The following FAM200B variants were observed in gnomAD, a reference collection of about 807,000 sequenced individuals.
The protein encoded by FAM200B is protein FAM200B.
Under a neutral mutation model 33.1 loss-of-function variants are expected in FAM200B, and 32 were observed. The ratio of observed to expected loss-of-function variants is 0.97; its 90% CI spans 0.73 to 1.30. The LOEUF (loss-of-function observed/expected upper bound fraction) is 1.30. Among genes scored for constraint, FAM200B ranks in the 50% most tolerant of loss-of-function variants. The pLI is 0.00. For missense variants in FAM200B, 741 were observed against 754.0 expected (o/e 0.98, Z 0.20); for synonymous variants, 240 against 264.8 (o/e 0.91, Z 0.91).
At chr4:15,676,964 T>G (rs1033142277), upstream of FAM200B, among the ~76,000 whole-genome samples, 2 of 152,192 alleles carry the variant, frequency 1.3e-5, no homozygotes, top group Admixed American at 6.5e-5. Flanking sequence ...TAACAAATGA[T>G]ATGTTCTATA....
At chr4:15,640,765 C>A in the FAM200B span, 1 of 1,311,108 alleles carries the variant, frequency 7.6e-7, no homozygotes, top group Non-Finnish European at 1.1e-6. Flanking sequence ...AAATCTAAAT[C>A]ACGAAAGAAA....
Position 15,687,192 on chromosome 4 carries a change from T to A in FAM200B, c.215T>A (p.Phe72Tyr), listed in dbSNP as rs1394824159. The A allele has an allele frequency of 6.5e-7, 1 of 1,538,540 alleles. No homozygotes were observed. Among genetic ancestry groups the A allele is most frequent in the Admixed American group, 2.0e-5 (1 of 48,904 alleles). Reference protein sequence around the residue: ...RYNEDYLKYGFIKCEKPFEND... With the variant: ...RYNEDYLKYGYIKCEKPFEND... The stretch of plus-strand genomic sequence containing the variant: ...AATGAAGATTACTTAAAATATGGCT[T>A]TATCAAATGTGAAAAACCCTTTGAA... The change falls in exon 2 of 2, where the codon TTT becomes TAT. Residue 72 changes from phenylalanine to tyrosine, a missense_variant. By Grantham distance (22) the Phe-to-Tyr change is conservative (BLOSUM62 3). Transcript: ENST00000422728.
At chr4:15,637,322 G>A in the FAM200B span, among the ~76,000 whole-genome samples, 1 of 152,120 alleles carries the variant, frequency 6.6e-6, no homozygotes, top group Non-Finnish European at 1.5e-5. Context: ...ATTGCAGGAA[G>A]TACTTATGGA....
At chr4:15,663,305 T>A in the FAM200B span, among the ~76,000 whole-genome samples, 1 of 152,212 alleles carries the variant, frequency 6.6e-6, no homozygotes, top group African/African-American at 2.4e-5. Context: ...CAATAAATGA[T>A]AGGTATCTTT....
chr4:15,638,455 G>GTTA, the FAM200B span: 1 of 1,326,864 alleles, frequency 7.5e-7, no homozygotes. Flanking sequence ...ATATCAGTAA[G>GTTA]ATGTCAATGA....
chr4:15,681,287 T>C (rs979058750), upstream of FAM200B: 3 of 153,658 alleles, frequency 2.0e-5, no homozygotes, highest in African/African-American at 7.2e-5. Flanking sequence ...CACCTTGGAG[T>C]GTATGAACCA....
chr4:15,646,461 G>GGA, the FAM200B span, among the ~76,000 whole-genome samples: 6 of 133,004 alleles, frequency 4.5e-5, no homozygotes, highest in Admixed American at 2.3e-4. Flanking sequence ...TCATTTTTTG[G>GGA]AAAAAAAAAA....
chr4:15,650,508 A>G, the FAM200B span, among the ~76,000 whole-genome samples: 4 of 152,306 alleles, frequency 2.6e-5, no homozygotes, highest in East Asian at 7.7e-4. Flanking sequence ...ACTCTTCTAC[A>G]GTAAAATATA....
At chr4:15,652,012 G>A in the FAM200B span, among the ~76,000 whole-genome samples, 3 of 152,276 alleles carry the variant, frequency 2.0e-5, no homozygotes, top group Non-Finnish European at 4.4e-5. Context: ...ATACTGGACT[G>A]TAAACTTTTT....
chr4:15,679,613 T>C (rs1718132024), upstream of FAM200B, among the ~76,000 whole-genome samples: 1 of 151,332 alleles, frequency 6.6e-6, no homozygotes, highest in Admixed American at 6.6e-5. Flanking sequence ...ATGGTCCCAA[T>C]TCAATACTGC....
chr4:15,656,184 C>T, the FAM200B span: 1 of 456,220 alleles, frequency 2.2e-6, no homozygotes. Flanking sequence ...GGTACAAATC[C>T]CGCCATTTTA....
the FAM200B span, chr4:15,640,724 C>G: frequency 1.1e-5 from 10 of 898,472 alleles, no homozygotes; most frequent in Non-Finnish European, 1.7e-5. Context: ...TGAAGAGTCT[C>G]TAAAGCAAAA....
At chr4:15,641,566 T>G in the FAM200B span, 1 of 455,774 alleles carries the variant, frequency 2.2e-6, no homozygotes, top group African/African-American at 1.9e-5. Flanking sequence ...ATATAATACA[T>G]GAAATAATTG....
upstream of FAM200B, among the ~76,000 whole-genome samples, chr4:15,678,758 A>T (rs1384876798): frequency 6.6e-6 from 1 of 152,214 alleles, no homozygotes; most frequent in Admixed American, 6.5e-5. Flanking sequence ...AGCCTACAGA[A>T]AAATATTTAT....
the FAM200B span, among the ~76,000 whole-genome samples, chr4:15,645,785 A>G: frequency 9.8e-5 from 15 of 152,320 alleles, no homozygotes; most frequent in South Asian, 3.1e-3. Flanking sequence ...AAACATCTGT[A>G]TTTCACATGG....
chr4:15,670,779 T>C, the FAM200B span, among the ~76,000 whole-genome samples: 2 of 152,146 alleles, frequency 1.3e-5, no homozygotes, highest in Non-Finnish European at 2.9e-5. Flanking sequence ...TTCTGGTCCC[T>C]AGTGTATTTC....
chr4:15,641,095 TATC>T, the FAM200B span, among the ~76,000 whole-genome samples: 1 of 152,112 alleles, frequency 6.6e-6, no homozygotes, highest in Non-Finnish European at 1.5e-5. Context: ...ATTTTTAAAA[TATC>T]ATAAAAAGTC....
chr4:15,652,020 T>G, the FAM200B span, among the ~76,000 whole-genome samples: 1 of 152,182 alleles, frequency 6.6e-6, no homozygotes, highest in South Asian at 2.1e-4. Flanking sequence ...CTGTAAACTT[T>G]TTGAGACTAG....
At chr4:15,660,441 C>T in the FAM200B span, among the ~76,000 whole-genome samples, 1 of 152,114 alleles carries the variant, frequency 6.6e-6, no homozygotes, top group Non-Finnish European at 1.5e-5. Flanking sequence ...ACACAAGACA[C>T]CTCCTAAAAA....
Sources: allele counts gnomAD v4.1 joint callset (sites outside exome capture counted in the v4.1 genomes callset), GRCh38; gene constraint gnomAD v4.1.1; transcripts MANE v1.5; gene names NCBI Gene and HGNC (gene_info 2026-07-23, HGNC 2026-07-21).